NELL2: variants seen among roughly 807,000 people sequenced by gnomAD.
NELL2 encodes the protein protein kinase C-binding protein NELL2.
NELL2 carries 41 observed loss-of-function variants against 109.6 expected under a neutral mutation model. The observed-to-expected ratio is 0.37, with a 90% CI of 0.29 to 0.49. The LOEUF (loss-of-function observed/expected upper bound fraction) is 0.49. NELL2 is among the 20% of genes least tolerant of loss of function. The pLI, the probability that NELL2 is intolerant of heterozygous loss-of-function variation, is 0.98. For missense variants in NELL2, 900 were observed against 1,008.3 expected (o/e 0.89, Z 1.45); for synonymous variants, 355 against 344.7 (o/e 1.03, Z -0.33).
At chr12:44,846,827 G>A (rs984753) in intron 2 of NELL2, among the ~76,000 whole-genome samples, 2,367 of 152,238 alleles carry the variant, frequency 0.016, 60 homozygotes, top group African/African-American at 0.053. Context: ...AGCTCTCTAT[G>A]TATGACACAT....
At chr12:44,781,725 C>A (rs746543352) in intron 3 of NELL2, among the ~76,000 whole-genome samples, 1 of 151,728 alleles carries the variant, frequency 6.6e-6, no homozygotes, top group Admixed American at 6.6e-5. Flanking sequence ...ACCATGGGAG[C>A]CATAAAGAAG....
chr12:44,616,476 C>A (rs1308597885), intron 13 of NELL2, among the ~76,000 whole-genome samples: 1 of 152,076 alleles, frequency 6.6e-6, no homozygotes, highest in African/African-American at 2.4e-5. Context: ...AACCTCTAGT[C>A]GTAACTATCA....
At chr12:44,848,082 C>T (rs1354783640) in intron 2 of NELL2, among the ~76,000 whole-genome samples, 1 of 149,904 alleles carries the variant, frequency 6.7e-6, no homozygotes, top group African/African-American at 2.5e-5. Context: ...TTCCTGTTGA[C>T]TCAGGAAGAT....
At chr12:44,725,068 C>G (rs1939001152) in intron 9 of NELL2, among the ~76,000 whole-genome samples, 1 of 152,046 alleles carries the variant, frequency 6.6e-6, no homozygotes, top group South Asian at 2.1e-4. Flanking sequence ...TAGCCATATG[C>G]AGAAAATTGA....
chr12:44,800,084 G>A (rs1942778268), intron 3 of NELL2, among the ~76,000 whole-genome samples: 1 of 151,926 alleles, frequency 6.6e-6, no homozygotes. Context: ...TTCCACAAAG[G>A]AATAACACGC....
At chr12:44,723,795 A>C (rs1938920411) in intron 9 of NELL2, among the ~76,000 whole-genome samples, 1 of 152,158 alleles carries the variant, frequency 6.6e-6, no homozygotes, top group Admixed American at 6.5e-5. Flanking sequence ...TGTTGGTGAG[A>C]ATGCAAACTA....
intron 10 of NELL2, among the ~76,000 whole-genome samples, chr12:44,714,110 G>A (rs936975974): frequency 1.3e-5 from 2 of 151,770 alleles, no homozygotes; most frequent in African/African-American, 2.4e-5. Flanking sequence ...GTAGGTCGAG[G>A]GGCAAAAATT....
intron 17 of NELL2, chr12:44,523,021 A>G (rs988462875): frequency 2.2e-6 from 1 of 459,944 alleles, no homozygotes; most frequent in African/African-American, 2.0e-5. Flanking sequence ...TATAGTATAT[A>G]CTATAAAACT....
chr12:44,544,609 T>C (rs1224306645), intron 15 of NELL2, among the ~76,000 whole-genome samples: 2 of 152,162 alleles, frequency 1.3e-5, no homozygotes, highest in Admixed American at 1.3e-4. Context: ...AATTCTTCTC[T>C]GTTGTTTGGT....
intron 3 of NELL2, among the ~76,000 whole-genome samples, chr12:44,815,029 G>A (rs1411816796): frequency 1.3e-5 from 2 of 152,290 alleles, no homozygotes; most frequent in South Asian, 4.1e-4. Context: ...TTGAGATACA[G>A]ATCTTAGGTG....
chr12:44,818,725 ATTTTTTTTTTTTTAT>A (rs1943438058), intron 2 of NELL2, among the ~76,000 whole-genome samples: 2 of 72,146 alleles, frequency 2.8e-5, no homozygotes, highest in African/African-American at 1.1e-4. Context: ...TTGTTCACTT[ATTTTTTTTTTTTTAT>A]TTTTTTTTTT....
At chr12:44,677,838 G>C (rs1432392924) in intron 12 of NELL2, among the ~76,000 whole-genome samples, 2 of 152,040 alleles carry the variant, frequency 1.3e-5, no homozygotes, top group African/African-American at 4.8e-5. Flanking sequence ...ATAGTGTAGG[G>C]AACTGGAGGA....
At chr12:44,913,818 G>A in exon 1 of NELL2, 1 of 834,488 alleles carries the variant, frequency 1.2e-6, no homozygotes, top group Non-Finnish European at 1.8e-6. Context: ...ATTAAAATGA[G>A]AAGTCTTCTT....
chr12:44,625,695 G>A (rs1177450808), intron 13 of NELL2, among the ~76,000 whole-genome samples: 3 of 152,028 alleles, frequency 2.0e-5, no homozygotes, highest in South Asian at 4.1e-4. Flanking sequence ...TGCAACAGAA[G>A]GCTTTTATTT....
Position 44,714,735 on chromosome 12 carries a change from C to T in NELL2, c.1001G>A (p.Cys334Tyr). ...AAAGTAGGTTCGTCCTTGAAATTGG[C>T]ATATCGCTTTGGAGTAAAAAATACA... ...GKCCKECKSI[C>Y]QFQGRTYFEG... Residue 334 changes from cysteine (C) to tyrosine (Y), a missense_variant, in exon 10 of 20, where the codon TGC (cysteine) becomes TAC (tyrosine). Physicochemically the swap from Cys to Tyr is radical, Grantham distance 194 (BLOSUM62 -2). Coordinates refer to ENST00000429094, the MANE Select transcript of NELL2 (RefSeq NM_001145108.2). 1.3e-6 allele frequency: 2 copies of T among 1,593,244 alleles called. No homozygotes were observed. Among genetic ancestry groups the T allele is most frequent in the East Asian group, 2.3e-5 (1 of 44,236 alleles).
chr12:44,887,636 TTGTG>T lies in NELL2; in HGVS notation c.39-11740_39-11737del, dbSNP rs141640366. Among the ~76,000 whole-genome samples the T allele has an allele frequency of 5.5e-3, 828 of 149,230 alleles. 20 individuals are homozygous for T. The highest frequency in any genetic ancestry group is 0.049 in the Admixed American group (734 of 14,938). Reference sequence around the variant, plus strand: ...AATTATTTGGGGTTTGGGGGGATTATTGTGTGTGTGTGTGTGTGTGTGTTGTTGT... The same window carrying T: ...AATTATTTGGGGTTTGGGGGGATTATTGTGTGTGTGTGTGTGTGTTGTTGT... On this transcript the variant is annotated intron_variant, in intron 1 of 20. Coordinates refer to the NELL2 transcript ENST00000333837.
chr12:44,731,802 A>G (rs948409505), intron 9 of NELL2, among the ~76,000 whole-genome samples: 3 of 152,050 alleles, frequency 2.0e-5, no homozygotes, highest in African/African-American at 7.2e-5. Flanking sequence ...AAAAAGTAAA[A>G]TTATCTTTGT....
At chr12:44,800,870 G>A (rs1213461718) in intron 3 of NELL2, among the ~76,000 whole-genome samples, 1 of 152,154 alleles carries the variant, frequency 6.6e-6, no homozygotes, top group Non-Finnish European at 1.5e-5. Context: ...AGAGAACAAA[G>A]TCACACGGGA....
At chr12:44,589,839 C>G (rs1944679297) in intron 15 of NELL2, among the ~76,000 whole-genome samples, 1 of 152,152 alleles carries the variant, frequency 6.6e-6, no homozygotes. Context: ...TGAATATCAC[C>G]TACTTTTTCC....
Sources: allele counts gnomAD v4.1 joint callset (sites outside exome capture counted in the v4.1 genomes callset), GRCh38; gene constraint gnomAD v4.1.1; transcripts MANE v1.5; gene names NCBI Gene and HGNC (gene_info 2026-07-23, HGNC 2026-07-21).